CEP128: variants seen among roughly 807,000 people sequenced by gnomAD.
CEP128 encodes the protein centrosomal protein 128kDa.
In CEP128, 132 loss-of-function variants were observed where a neutral mutation model predicts 156.7. The observed-to-expected ratio is 0.84, with a 90% CI of 0.73 to 0.97. The LOEUF (loss-of-function observed/expected upper bound fraction) is 0.97, where lower values mean the gene tolerates loss of function less well. CEP128 is among the 50% of genes least tolerant of loss of function. CEP128 has a pLI of 0.00. For missense variants in CEP128, 1,252 were observed against 1,281.9 expected (o/e 0.98, Z 0.36); for synonymous variants, 469 against 448.9 (o/e 1.04, Z -0.57).
At chr14:80,617,217 A>ACCTTTTTTTTTT (rs1491470595) in intron 19 of CEP128, among the ~76,000 whole-genome samples, 3 of 43,134 alleles carry the variant, frequency 7.0e-5, no homozygotes, top group Non-Finnish European at 1.0e-4. Flanking sequence ...TGTGAATATC[A>ACCTTTTTTTTTT]TCTTTTTTTT....
intron 8 of CEP128, among the ~76,000 whole-genome samples, chr14:80,887,806 C>CA (rs1166290411): frequency 2.0e-5 from 3 of 151,726 alleles, no homozygotes; most frequent in South Asian, 2.1e-4. Flanking sequence ...GATAGAGACA[C>CA]AAAAAAACCT....
At chr14:80,944,822 C>CAAAAAAAAAAAAAA (rs55662141), upstream of CEP128, among the ~76,000 whole-genome samples, 14 of 34,658 alleles carry the variant, frequency 4.0e-4, no homozygotes, top group Non-Finnish European at 6.4e-4. Context: ...GAGTCTGTCT[C>CAAAAAAAAAAAAAA]AAAAAAAAAA....
chr14:80,488,450 G>C (rs1322603455), downstream of CEP128, among the ~76,000 whole-genome samples: 1 of 151,078 alleles, frequency 6.6e-6, no homozygotes, highest in Non-Finnish European at 1.5e-5. Flanking sequence ...TCTCACACCA[G>C]TTAGAATGGT....
intron 18 of CEP128, among the ~76,000 whole-genome samples, chr14:80,749,257 T>C (rs1017918341): frequency 3.3e-5 from 5 of 152,132 alleles, no homozygotes; most frequent in Non-Finnish European, 7.4e-5. Flanking sequence ...AGAGCTACCA[T>C]ACAATCCAGC....
chr14:80,938,233 C>T (rs542491133), intron 2 of CEP128, among the ~76,000 whole-genome samples: 80 of 147,646 alleles, frequency 5.4e-4, no homozygotes, highest in African/African-American at 1.3e-3. Context: ...GATCTTAATA[C>T]ACAGTGTTAG....
At chr14:80,522,328 A>T (rs2140250789) in intron 23 of CEP128, among the ~76,000 whole-genome samples, 1 of 152,330 alleles carries the variant, frequency 6.6e-6, no homozygotes, top group Non-Finnish European at 1.5e-5. Flanking sequence ...AATGAGAGAG[A>T]AATGAGTTCA....
intron 13 of CEP128, among the ~76,000 whole-genome samples, chr14:80,809,866 T>C (rs1192016330): frequency 6.6e-6 from 1 of 151,096 alleles, no homozygotes; most frequent in Non-Finnish European, 1.5e-5. Context: ...AACCTGAAAG[T>C]GAAAGGACAG....
intron 8 of CEP128, among the ~76,000 whole-genome samples, chr14:80,878,654 C>T (rs1888392077): frequency 1.3e-5 from 2 of 152,186 alleles, no homozygotes; most frequent in African/African-American, 2.4e-5. Flanking sequence ...TGGAGCCATA[C>T]AAGTGTGGTG....
Position 80,731,286 on chromosome 14 carries a change from T to C in CEP128, c.2806+11789A>G, listed in dbSNP as rs562000489. On this transcript the variant is annotated intron_variant, in intron 19 of 24. Coordinates refer to ENST00000555265, the MANE Select transcript of CEP128 (RefSeq NM_152446.5). ...GTTTCACAAAGTCTGCTCCCATCTG[T>C]AACTGCCTGTCAATCCTGGAGAAAT... is the stretch of plus-strand genomic sequence containing the variant. 5.9e-5 allele frequency among the ~76,000 whole-genome samples: 9 copies of C among 152,350 alleles called. No homozygotes were observed. In the South Asian group the frequency reaches 1.0e-3, roughly 18 times the overall value.
chr14:80,851,872 A>T (rs1188078026), intron 9 of CEP128, among the ~76,000 whole-genome samples: 4 of 152,022 alleles, frequency 2.6e-5, no homozygotes, highest in Admixed American at 1.3e-4. Context: ...ATCAAGAGGC[A>T]CACTAGGTAA....
At chr14:80,637,343 T>C (rs1894228034) in intron 19 of CEP128, among the ~76,000 whole-genome samples, 1 of 151,930 alleles carries the variant, frequency 6.6e-6, no homozygotes, top group African/African-American at 2.4e-5. Context: ...CCTAATGTAA[T>C]CAGGAAAATC....
chr14:80,564,005 T>C (rs969070407), intron 20 of CEP128, among the ~76,000 whole-genome samples: 2 of 152,154 alleles, frequency 1.3e-5, no homozygotes, highest in African/African-American at 4.8e-5. Context: ...AGGGCTCTTA[T>C]AGGGCAGAAG....
At position 80,700,996 on chromosome 14, in the gene CEP128, T is replaced by C. The variant is rs571347180; in HGVS notation, c.2806+42079A>G. ...GAAGAGGGAGCAGAACAAGATTGTT[T>C]GGCATGTGAATTGATTTTCCCTTCT... On this transcript the variant is annotated intron_variant, in intron 19 of 24. Transcript: ENST00000555265. 6.6e-5 allele frequency among the ~76,000 whole-genome samples: 10 copies of C among 152,250 alleles called. No individual in the cohort carries two copies. In the East Asian group the frequency reaches 1.7e-3, roughly 27 times the overall value.
At chr14:80,595,342 A>G (rs1005896176) in intron 19 of CEP128, among the ~76,000 whole-genome samples, 3 of 152,158 alleles carry the variant, frequency 2.0e-5, no homozygotes, top group Admixed American at 1.3e-4. Context: ...GACTAGGGGA[A>G]GGATAGCATT....
chr14:80,584,173 C>T (rs1460060591), intron 19 of CEP128, among the ~76,000 whole-genome samples: 18 of 127,840 alleles, frequency 1.4e-4, no homozygotes, highest in Admixed American at 4.5e-4. Context: ...TGTTTGACAG[C>T]GTCTCATCCG....
At chr14:80,824,659 T>A (rs1312180489) in intron 13 of CEP128, among the ~76,000 whole-genome samples, 2 of 152,208 alleles carry the variant, frequency 1.3e-5, no homozygotes, top group African/African-American at 4.8e-5. Context: ...GTTGCTCATT[T>A]CCATCTGGGA....
chr14:80,651,782 CTGTT>C lies in CEP128; in HGVS notation c.2807-71363_2807-71360del, dbSNP rs1335539293. ...TTTGATTGTACTGTGGTATGAGACA[CTGTT>C]TGTTATGATTTCCATTCTTTTGCAT... On this transcript the variant is annotated intron_variant, in intron 19 of 24. Coordinates refer to ENST00000555265, the MANE Select transcript of CEP128 (RefSeq NM_152446.5). Among the ~76,000 whole-genome samples, 67 of 152,022 alleles carry C rather than the reference CTGTT, an allele frequency of 4.4e-4. 1 individual carries two copies. The highest frequency in any genetic ancestry group is 7.4e-5 in the Non-Finnish European group (5 of 67,990).
At chr14:80,701,251 G>C (rs1475454701) in intron 19 of CEP128, among the ~76,000 whole-genome samples, 6 of 152,158 alleles carry the variant, frequency 3.9e-5, no homozygotes. Flanking sequence ...AGTAGAGGCA[G>C]CTGAGAGTGT....
intron 19 of CEP128, among the ~76,000 whole-genome samples, chr14:80,741,526 T>G (rs1317486885): frequency 6.6e-6 from 1 of 152,106 alleles, no homozygotes; most frequent in African/African-American, 2.4e-5. Flanking sequence ...CAAAAGTGTA[T>G]GACAACATGG....
Sources: allele counts gnomAD v4.1 joint callset (sites outside exome capture counted in the v4.1 genomes callset), GRCh38; gene constraint gnomAD v4.1.1; transcripts MANE v1.5; gene names NCBI Gene and HGNC (gene_info 2026-07-23, HGNC 2026-07-21).